The following RPS6KC1 variants were observed in gnomAD, a reference collection of about 807,000 sequenced individuals.
The protein encoded by RPS6KC1 is inactive ribosomal protein S6 kinase delta-1.
A neutral mutation model predicts 103.8 loss-of-function variants in RPS6KC1; 54 were observed. The ratio of observed to expected loss-of-function variants is 0.52; its 90% CI spans 0.42 to 0.65. RPS6KC1 has a LOEUF of 0.65. Among genes scored for constraint, RPS6KC1 ranks in the 30% least tolerant of loss-of-function variants. RPS6KC1 has a pLI of 0.00. For missense variants in RPS6KC1, 1,151 were observed against 1,253.8 expected, an observed-to-expected ratio of 0.92 and a Z score of 1.24; for synonymous variants, 439 against 438.7, an observed-to-expected ratio of 1.00 and a Z score of -0.01.
intron 3 of RPS6KC1, among the ~76,000 whole-genome samples, chr1:213,079,078 T>C (rs1335237245): frequency 1.3e-5 from 2 of 152,192 alleles, no homozygotes; most frequent in African/African-American, 4.8e-5. Context: ...ATATTTTTTC[T>C]TTATTTTTTA....
the RPS6KC1 span, among the ~76,000 whole-genome samples, chr1:213,855,807 C>CCTTGCAG: frequency 6.6e-6 from 1 of 152,250 alleles, no homozygotes; most frequent in African/African-American, 2.4e-5. Flanking sequence ...GTGTGGTCTG[C>CCTTGCAG]CTTGCAGGCA....
chr1:213,419,141 T>G, the RPS6KC1 span, among the ~76,000 whole-genome samples: 1 of 152,244 alleles, frequency 6.6e-6, no homozygotes, highest in Non-Finnish European at 1.5e-5. Flanking sequence ...CTTTGGCTGT[T>G]AAGTAAACCT....
the RPS6KC1 span, among the ~76,000 whole-genome samples, chr1:213,540,256 G>A: frequency 2.0e-5 from 3 of 152,216 alleles, no homozygotes; most frequent in Non-Finnish European, 4.4e-5. Flanking sequence ...TTCCCAAATA[G>A]CAAGGACTAC....
At chr1:213,835,948 G>T in the RPS6KC1 span, 1 of 151,932 alleles carries the variant, frequency 6.6e-6, no homozygotes, top group Non-Finnish European at 1.5e-5. Context: ...GTTTTGCCAG[G>T]TTCCTCATTC....
chr1:213,051,709 A>G (rs889138535), intron 1 of RPS6KC1, among the ~76,000 whole-genome samples, 200 bp downstream of exon 1: 9 of 152,030 alleles, frequency 5.9e-5, no homozygotes, highest in Non-Finnish European at 8.8e-5. Flanking sequence ...GCTTCACTGT[A>G]GTAGGTCGTG....
chr1:213,109,537 T>C (rs1292985415), intron 4 of RPS6KC1, among the ~76,000 whole-genome samples: 1 of 152,190 alleles, frequency 6.6e-6, no homozygotes, highest in African/African-American at 2.4e-5. Context: ...AATCTTATGA[T>C]GCTGTTTTGA....
chr1:213,467,130 C>T, the RPS6KC1 span, among the ~76,000 whole-genome samples: 28 of 152,168 alleles, frequency 1.8e-4, no homozygotes, highest in African/African-American at 6.3e-4. Context: ...TCTGTGTTCC[C>T]AGAGCCTACT....
chr1:213,789,792 G>A, the RPS6KC1 span, among the ~76,000 whole-genome samples: 1 of 152,146 alleles, frequency 6.6e-6, no homozygotes, highest in Non-Finnish European at 1.5e-5. Context: ...ACATTGTCAC[G>A]AATTTGCCTA....
chr1:213,842,074 T>C, the RPS6KC1 span: 34 of 152,386 alleles, frequency 2.2e-4, no homozygotes, highest in African/African-American at 6.0e-4. Context: ...TTTCTGTATC[T>C]AATTCAAGGG....
At chr1:213,292,761 A>G in the RPS6KC1 span, among the ~76,000 whole-genome samples, 1 of 152,232 alleles carries the variant, frequency 6.6e-6, no homozygotes, top group African/African-American at 2.4e-5. Context: ...ATTAAGAAAC[A>G]AAGGAAGAAC....
At chr1:213,766,128 A>G in the RPS6KC1 span, among the ~76,000 whole-genome samples, 1 of 152,236 alleles carries the variant, frequency 6.6e-6, no homozygotes. Context: ...CCAGATCTGT[A>G]GCTAATAGTA....
At chr1:213,192,632 CTTG>C (rs961410044) in intron 8 of RPS6KC1, among the ~76,000 whole-genome samples, 1 of 152,046 alleles carries the variant, frequency 6.6e-6, no homozygotes, top group African/African-American at 2.4e-5. Flanking sequence ...GTTTGTCAAT[CTTG>C]TTTACCTTTT....
chr1:213,309,001 TGAA>T, the RPS6KC1 span, among the ~76,000 whole-genome samples: 1 of 152,006 alleles, frequency 6.6e-6, no homozygotes, highest in Non-Finnish European at 1.5e-5. Flanking sequence ...AATTAAAAAC[TGAA>T]GAAGAGGCCG....
chr1:213,275,068 T>G (rs1483630902), downstream of RPS6KC1, among the ~76,000 whole-genome samples: 4 of 152,322 alleles, frequency 2.6e-5, no homozygotes, highest in African/African-American at 9.6e-5. Context: ...ATACAATATT[T>G]GTTTTTTGTC....
chr1:213,854,447 G>A, the RPS6KC1 span, among the ~76,000 whole-genome samples: 1 of 152,094 alleles, frequency 6.6e-6, no homozygotes, highest in Non-Finnish European at 1.5e-5. Flanking sequence ...CATTTTATTT[G>A]TAAAGGAAAT....
the RPS6KC1 span, among the ~76,000 whole-genome samples, chr1:213,450,973 CA>C: frequency 7.5e-5 from 11 of 145,838 alleles, no homozygotes; most frequent in South Asian, 8.7e-4. Context: ...GACTCTGTTT[CA>C]AAAAAAAAAG....
At chr1:213,300,760 G>C in the RPS6KC1 span, among the ~76,000 whole-genome samples, 5 of 152,226 alleles carry the variant, frequency 3.3e-5, no homozygotes, top group Non-Finnish European at 7.4e-5. Flanking sequence ...AAACCCCGCT[G>C]TCAGTGTTCT....
At chr1:213,581,153 T>C in the RPS6KC1 span, among the ~76,000 whole-genome samples, 2 of 151,932 alleles carry the variant, frequency 1.3e-5, no homozygotes, top group African/African-American at 4.8e-5. Context: ...TGGAGAGTAG[T>C]TCTGGTACCT....
At chr1:213,776,606 G>A in the RPS6KC1 span, among the ~76,000 whole-genome samples, 1 of 152,190 alleles carries the variant, frequency 6.6e-6, no homozygotes, top group African/African-American at 2.4e-5. Context: ...AAAGTAGATT[G>A]AGCATCATTT....
Sources: allele counts gnomAD v4.1 joint callset (sites outside exome capture counted in the v4.1 genomes callset), GRCh38; gene constraint gnomAD v4.1.1; transcripts MANE v1.5; gene names NCBI Gene and HGNC (gene_info 2026-07-23, HGNC 2026-07-21).